MON2: variants seen among roughly 807,000 people sequenced by gnomAD.
The protein encoded by MON2 is protein MON2 homolog.
A neutral mutation model predicts 208.6 loss-of-function variants in MON2; 84 were observed. The observed-to-expected ratio is 0.40, with a 90% CI of 0.34 to 0.48. MON2 has a LOEUF of 0.48. Among genes scored for constraint, MON2 ranks in the 20% least tolerant of loss-of-function variants. MON2 has a pLI of 0.59. For synonymous variants in MON2, 660 were observed against 694.0 expected, an observed-to-expected ratio of 0.95 and a Z score of 0.77; for missense variants, 1,611 against 2,015.4, an observed-to-expected ratio of 0.80 and a Z score of 3.84.
intron 8 of MON2, among the ~76,000 whole-genome samples, chr12:62,521,208 TG>T (rs1391945713): frequency 6.6e-6 from 1 of 152,078 alleles, no homozygotes; most frequent in African/African-American, 2.4e-5. Flanking sequence ...GGGGTTTCAC[TG>T]TGTTGGCAAG....
intron 20 of MON2, among the ~76,000 whole-genome samples, chr12:62,544,057 G>A (rs1367350722): frequency 6.6e-6 from 1 of 152,164 alleles, no homozygotes; most frequent in Non-Finnish European, 1.5e-5. Context: ...AAAACAAGCT[G>A]CTTCTGCCAG....
At chr12:62,520,990 C>CT (rs1049705784) in intron 8 of MON2, among the ~76,000 whole-genome samples, 1 of 125,148 alleles carries the variant, frequency 8.0e-6, no homozygotes, top group African/African-American at 3.0e-5. Context: ...TATTATGGCT[C>CT]TTTTTTAAAA....
At position 62,551,925 on chromosome 12, in the gene MON2, G is replaced by T. The variant is rs369001592; in HGVS notation, c.2917-956G>T. Among the ~76,000 whole-genome samples, 680 of 152,190 alleles carry T rather than the reference G, an allele frequency of 4.5e-3. 6 individuals carry two copies. Among genetic ancestry groups the T allele is most frequent in the African/African-American group, 0.016 (648 of 41,522 alleles). On this transcript the variant is annotated intron_variant, in intron 23 of 34. Coordinates refer to ENST00000393630, the MANE Select transcript of MON2 (RefSeq NM_015026.3). ...TTCCTACGTTCAGCTCTTAATATTT[G>T]TGGCTTCTGCATCTGTAGATTCAAC...
chr12:62,571,245 G>T, intron 29 of MON2, 147 bp from the exon 30 acceptor site: 1 of 613,094 alleles, frequency 1.6e-6, no homozygotes, highest in South Asian at 3.2e-5. Flanking sequence ...TGGCCTTTCT[G>T]CGAAATAACA....
intron 1 of MON2, chr12:62,470,906 G>A: frequency 4.4e-6 from 1 of 227,730 alleles, no homozygotes; most frequent in Non-Finnish European, 7.5e-6. Context: ...GGAAGAATTA[G>A]AGGGTATTGA....
Position 62,500,895 on chromosome 12 carries a change from AAAAGT to A in MON2, c.663+18_663+22del, listed in dbSNP as rs1274585020. The stretch of plus-strand genomic sequence containing the variant: ...TGCTTTTCCAGGTATTTTAGTTGAT[AAAAGT>A]AATTTTTATTCTAAAATATAGTTTT... On this transcript the variant is annotated intron_variant, in intron 6 of 34. Coordinates refer to ENST00000393630, the MANE Select transcript of MON2 (RefSeq NM_015026.3). The A allele has an allele frequency of 7.0e-7, 1 of 1,420,658 alleles. No homozygotes were observed. The highest frequency in any genetic ancestry group is 2.2e-5 in the Admixed American group (1 of 45,034). 88.0% of individuals were successfully genotyped at this position (1,420,658 alleles called of 1,614,324 possible).
intron 29 of MON2, among the ~76,000 whole-genome samples, chr12:62,567,807 CTAGGTAAAGACCA>C (rs1467858577): frequency 2.6e-5 from 4 of 152,152 alleles, no homozygotes; most frequent in African/African-American, 9.7e-5. Context: ...ATGTTAAGTG[CTAGGTAAAGACCA>C]TAGTGGAGGC....
chr12:62,584,705 C>CAAAA (rs1226172058), intron 32 of MON2, among the ~76,000 whole-genome samples: 794 of 70,024 alleles, frequency 0.011, 3 homozygotes, highest in Middle Eastern at 0.047. Flanking sequence ...TCTGTCTCAA[C>CAAAA]AAAAAAAAAA....
At position 62,526,109 on chromosome 12, in the gene MON2, A is replaced by G; in HGVS notation, c.1400+7A>G. The stretch of plus-strand genomic sequence containing the variant: ...GCAGTGCTAAAGCCACCTAGTAAGT[A>G]GTAGCAGCATTATTTTATAAGGAAT... On this transcript the variant is annotated splice_region_variant and intron_variant, in intron 11 of 34. Transcript: ENST00000393630. The G allele has an allele frequency of 6.2e-7, 1 of 1,610,632 alleles. No individual in the cohort carries two copies. Among genetic ancestry groups the G allele is most frequent in the Non-Finnish European group, 8.5e-7 (1 of 1,177,068 alleles).
chr12:62,495,942 C>A (rs2136058036), intron 4 of MON2, among the ~76,000 whole-genome samples: 1 of 151,972 alleles, frequency 6.6e-6, no homozygotes, highest in African/African-American at 2.4e-5. Context: ...TTATTTATTT[C>A]ACTTTTTAAA....
intron 1 of MON2, among the ~76,000 whole-genome samples, chr12:62,478,823 T>A (rs1216231666): frequency 6.6e-6 from 1 of 152,162 alleles, no homozygotes; most frequent in Non-Finnish European, 1.5e-5. Flanking sequence ...AGACATTTCT[T>A]CATTTAGGTT....
chr12:62,584,252 C>A (rs1304936328), intron 32 of MON2, among the ~76,000 whole-genome samples: 1 of 152,156 alleles, frequency 6.6e-6, no homozygotes, highest in Non-Finnish European at 1.5e-5. Context: ...CTAACAAGTT[C>A]TCTGGTAATG....
At chr12:62,500,374 AG>A (rs1281564180) in intron 5 of MON2, among the ~76,000 whole-genome samples, 4 of 152,222 alleles carry the variant, frequency 2.6e-5, no homozygotes, top group African/African-American at 7.2e-5. Context: ...CAGATCAAGC[AG>A]TAATTCTCTT....
intron 11 of MON2, among the ~76,000 whole-genome samples, chr12:62,527,956 A>T (rs2072423534): frequency 1.3e-5 from 2 of 152,048 alleles, no homozygotes; most frequent in Admixed American, 1.3e-4. Flanking sequence ...TTGATACTGG[A>T]TTTTAACTAG....
intron 1 of MON2, among the ~76,000 whole-genome samples, chr12:62,479,827 C>G (rs1353700720): frequency 1.3e-5 from 2 of 151,938 alleles, no homozygotes; most frequent in South Asian, 2.1e-4. Context: ...CAACAACAAC[C>G]ATGTTTACAA....
chr12:62,512,357 A>G (rs2071450408), intron 8 of MON2, among the ~76,000 whole-genome samples: 2 of 152,254 alleles, frequency 1.3e-5, no homozygotes, highest in South Asian at 4.1e-4. Context: ...CAATGGGGGT[A>G]CAAGCATTGG....
chr12:62,582,342 T>G (rs1255930378), intron 32 of MON2, among the ~76,000 whole-genome samples: 1 of 152,186 alleles, frequency 6.6e-6, no homozygotes, highest in Non-Finnish European at 1.5e-5. Flanking sequence ...ATATGACACA[T>G]GTCTTCTCAG....
chr12:62,526,046 G>A lies in MON2; in HGVS notation c.1344G>A (p.Arg448=). ...GVTLLPAFEY[R]GTWIPILTIT... ...CTTTGCTACCAGCATTTGAATATAG[G>A]GGAACCTGGATACCTATTCTGACAA... is the stretch of plus-strand genomic sequence containing the variant. The change falls in exon 11 of 35, where the codon AGG becomes AGA. Residue 448 remains arginine, a synonymous_variant. Transcript: ENST00000393630. The A allele has an allele frequency of 6.2e-7, 1 of 1,613,858 alleles. No individual in the cohort carries two copies. Among genetic ancestry groups the A allele is most frequent in the Non-Finnish European group, 8.5e-7 (1 of 1,179,876 alleles).
intron 30 of MON2, among the ~76,000 whole-genome samples, chr12:62,574,956 T>G (rs1416782813): frequency 7.8e-6 from 1 of 128,134 alleles, no homozygotes; most frequent in African/African-American, 3.3e-5. Flanking sequence ...AGACTCCGCC[T>G]CTACAAAAAA....
Sources: allele counts gnomAD v4.1 joint callset (sites outside exome capture counted in the v4.1 genomes callset), GRCh38; gene constraint gnomAD v4.1.1; transcripts MANE v1.5; gene names NCBI Gene and HGNC (gene_info 2026-07-23, HGNC 2026-07-21).